The following STX8 variants were observed in gnomAD, a reference collection of about 807,000 sequenced individuals.
STX8 encodes the protein syntaxin-8.
A neutral mutation model predicts 37.5 loss-of-function variants in STX8; 23 were observed. The observed-to-expected ratio is 0.61, with a 90% CI of 0.44 to 0.87. STX8 has a LOEUF of 0.87. Ranked by LOEUF, STX8 falls within the 40% of genes least tolerant of loss-of-function variation. STX8 has a pLI of 0.00. For synonymous variants in STX8, 115 were observed against 99.1 expected (o/e 1.16, Z -0.95); for missense variants, 313 against 284.7 (o/e 1.10, Z -0.71).
chr17:9,397,310 T>A (rs1228754852), intron 6 of STX8, among the ~76,000 whole-genome samples: 6 of 152,090 alleles, frequency 3.9e-5, no homozygotes, highest in African/African-American at 1.4e-4. Flanking sequence ...GCAGGAGAAT[T>A]GCTTGAACCC....
intron 5 of STX8, among the ~76,000 whole-genome samples, chr17:9,497,588 C>T (rs1336387111): frequency 6.9e-6 from 1 of 145,202 alleles, no homozygotes; most frequent in Non-Finnish European, 1.5e-5. Flanking sequence ...AAGTCATTAT[C>T]TGACACTCTC....
rs745473784 is a variant in STX8 at position 9,469,803 on chromosome 17, G to A, written c.541+22026C>T. 9.9e-5 allele frequency: 15 copies of A among 152,168 alleles called. 1 individual carries two copies. Among genetic ancestry groups the A allele is most frequent in the African/African-American group, 2.4e-4 (10 of 41,440 alleles). The allele number at this position is 152,168 out of a possible 1,614,324, so 9.4% of individuals were successfully genotyped here. ...GAGTTTAGCAACATGAATCCTACAC[G>A]AGCTAGGAGTGAATCCAGAAGCAGA... is the stretch of plus-strand genomic sequence containing the variant. On this transcript the variant is annotated intron_variant, in intron 6 of 7. Transcript: ENST00000306357.
chr17:9,367,484 C>T (rs970283683), intron 7 of STX8, among the ~76,000 whole-genome samples: 9 of 152,158 alleles, frequency 5.9e-5, no homozygotes, highest in Admixed American at 1.3e-4. Context: ...GGTTATAAGG[C>T]AGCCAGAGTC....
intron 2 of STX8, among the ~76,000 whole-genome samples, chr17:9,560,092 G>A (rs1025738182): frequency 4.0e-5 from 6 of 150,850 alleles, no homozygotes; most frequent in African/African-American, 1.5e-4. Flanking sequence ...TAGAGGCCGG[G>A]CTGAAAGACT....
chr17:9,487,071 C>T (rs764174515), intron 6 of STX8, among the ~76,000 whole-genome samples: 5 of 152,150 alleles, frequency 3.3e-5, no homozygotes, highest in East Asian at 3.8e-4. Context: ...TCCATTTCCT[C>T]GCTTGGCTTG....
intron 7 of STX8, among the ~76,000 whole-genome samples, chr17:9,346,533 G>C (rs552757554): frequency 5.9e-4 from 90 of 152,308 alleles, no homozygotes; most frequent in African/African-American, 2.0e-3. Context: ...GTCACATCTG[G>C]TCACTGTTCT....
chr17:9,421,102 A>T (rs1165964093), intron 6 of STX8, among the ~76,000 whole-genome samples: 1 of 151,772 alleles, frequency 6.6e-6, no homozygotes, highest in Non-Finnish European at 1.5e-5. Flanking sequence ...TTACTATAGA[A>T]TTTTTTTTGG....
intron 7 of STX8, among the ~76,000 whole-genome samples, chr17:9,336,315 C>T (rs4239099): frequency 0.83 from 125,983 of 152,162 alleles, 52,657 homozygotes; most frequent in East Asian, 0.93. Flanking sequence ...AGGTGCAAAA[C>T]GACCATGCCA....
intron 7 of STX8, among the ~76,000 whole-genome samples, chr17:9,334,049 G>A (rs1270032279): frequency 8.6e-5 from 13 of 151,898 alleles, no homozygotes; most frequent in Non-Finnish European, 1.6e-4. Context: ...GGAGGGGAGG[G>A]GCAGTGAGCT....
chr17:9,352,066 G>GT, intron 7 of STX8, among the ~76,000 whole-genome samples: 1 of 150,824 alleles, frequency 6.6e-6, no homozygotes, highest in East Asian at 2.0e-4. Flanking sequence ...CAGGAGGATT[G>GT]TTTGAGCCTG....
chr17:9,361,241 GTTAT>G (rs1239908176), intron 7 of STX8, among the ~76,000 whole-genome samples: 4 of 152,314 alleles, frequency 2.6e-5, no homozygotes, highest in African/African-American at 9.6e-5. Context: ...CTGGAGTTAA[GTTAT>G]TTAAAAGCTA....
chr17:9,315,148 G>GA (rs1389025090), intron 7 of STX8, among the ~76,000 whole-genome samples: 2 of 142,432 alleles, frequency 1.4e-5, no homozygotes, highest in Non-Finnish European at 3.1e-5. Flanking sequence ...ACAAAAACAA[G>GA]AAAAAAACAA....
At chr17:9,321,346 A>C (rs955558723) in intron 7 of STX8, among the ~76,000 whole-genome samples, 3 of 151,948 alleles carry the variant, frequency 2.0e-5, no homozygotes, top group Non-Finnish European at 4.4e-5. Context: ...CCTGGCCAAC[A>C]TGGTAAAACC....
intron 6 of STX8, among the ~76,000 whole-genome samples, chr17:9,423,619 C>T (rs1350324614): frequency 1.3e-5 from 2 of 152,138 alleles, no homozygotes; most frequent in East Asian, 1.9e-4. Context: ...CCACCGTGCC[C>T]GGCCAAATGT....
chr17:9,392,662 T>C (rs1045452965), intron 6 of STX8, among the ~76,000 whole-genome samples: 10 of 152,122 alleles, frequency 6.6e-5, no homozygotes, highest in African/African-American at 1.9e-4. Context: ...GTGAACACTC[T>C]TGAAATATAG....
intron 7 of STX8, among the ~76,000 whole-genome samples, chr17:9,253,057 G>A (rs555540415): frequency 6.6e-6 from 1 of 152,214 alleles, no homozygotes; most frequent in Non-Finnish European, 1.5e-5. Flanking sequence ...CCACTTAGGC[G>A]CTGGCCTTCA....
chr17:9,533,637 C>A (rs1406886982), intron 4 of STX8, among the ~76,000 whole-genome samples: 3 of 152,070 alleles, frequency 2.0e-5, no homozygotes, highest in African/African-American at 7.2e-5. Context: ...AAAAGGCCAG[C>A]GAGTGACTAA....
intron 6 of STX8, among the ~76,000 whole-genome samples, chr17:9,435,152 C>A (rs902621662): frequency 1.3e-5 from 2 of 152,044 alleles, no homozygotes; most frequent in Non-Finnish European, 2.9e-5. Context: ...CACTAATAAC[C>A]AAGATAAAGA....
intron 6 of STX8, among the ~76,000 whole-genome samples, chr17:9,429,309 TTA>T: frequency 6.9e-6 from 1 of 145,958 alleles, no homozygotes; most frequent in East Asian, 2.0e-4. Flanking sequence ...AATACATTAT[TTA>T]TATATTTTTA....
Sources: allele counts gnomAD v4.1 joint callset (sites outside exome capture counted in the v4.1 genomes callset), GRCh38; gene constraint gnomAD v4.1.1; transcripts MANE v1.5; gene names NCBI Gene and HGNC (gene_info 2026-07-23, HGNC 2026-07-21).